CUL2: variants seen among roughly 807,000 people sequenced by gnomAD.
CUL2 encodes cullin 2, also known as cullin-2.
A neutral mutation model predicts 110.2 loss-of-function variants in CUL2; 22 were observed. The observed-to-expected ratio is 0.20, with a 90% CI of 0.14 to 0.28. The LOEUF (loss-of-function observed/expected upper bound fraction) is 0.28. Ranked by LOEUF, CUL2 falls within the 10% of genes least tolerant of loss-of-function variation. The probability of loss-of-function intolerance (pLI) is 1.00; values close to 1 mark genes in which losing one functional copy is unlikely to be tolerated. For missense variants in CUL2, 631 were observed against 905.5 expected (o/e 0.70, Z 3.89); for synonymous variants, 279 against 293.2 (o/e 0.95, Z 0.49).
At chr10:35,058,063 A>AC (rs2134899169) in intron 4 of CUL2, among the ~76,000 whole-genome samples, 1 of 152,344 alleles carries the variant, frequency 6.6e-6, no homozygotes, top group East Asian at 1.9e-4. Flanking sequence ...GTGCCACTGC[A>AC]CTCCAGCCGG....
At chr10:35,104,252 G>C (rs1335770941) in intron 1 of CUL2, among the ~76,000 whole-genome samples, 1 of 152,204 alleles carries the variant, frequency 6.6e-6, no homozygotes, top group Non-Finnish European at 1.5e-5. Context: ...TTGGAGACCA[G>C]CCTGGGTGAC....
chr10:35,029,499 A>G lies in CUL2; in HGVS notation c.1528T>C (p.Tyr510His). The change falls in exon 15 of 21, where the codon TAT becomes CAT. Residue 510 changes from tyrosine (Y) to histidine (H), a missense_variant. Tyr to His is a moderately conservative substitution (Grantham distance 83). Transcript: ENST00000374749. ...ACACATATTCATACCTGTAGAACAT[A>G]TATTTGAAAACTAATTCCCAAATCT... ...VIDLGISFQI[Y>H]VLQAGAWPLT... 1 of 1,550,524 alleles carries G rather than the reference A, an allele frequency of 6.4e-7. No individual in the cohort carries two copies. The highest frequency in any genetic ancestry group is 8.7e-7 in the Non-Finnish European group (1 of 1,147,334).
intron 12 of CUL2, 124 bp downstream of exon 12, chr10:35,032,311 T>C (rs2085498981): frequency 3.9e-6 from 3 of 762,716 alleles, no homozygotes; most frequent in Non-Finnish European, 6.5e-6. Context: ...ATATACAATG[T>C]AGATAATTTT....
intron 1 of CUL2, among the ~76,000 whole-genome samples, chr10:35,073,595 T>C (rs2086738704): frequency 6.6e-6 from 1 of 151,546 alleles, no homozygotes. Context: ...CTTTTTTTTT[T>C]TCTTTTTCTT....
chr10:35,050,218 G>A (rs1475800631), intron 5 of CUL2, among the ~76,000 whole-genome samples: 1 of 152,074 alleles, frequency 6.6e-6, no homozygotes, highest in African/African-American at 2.4e-5. Flanking sequence ...CTACTCGGGA[G>A]GCTGAGGCAG....
rs9299718 is a variant in CUL2 at position 35,088,499 on chromosome 10, C to CAAA, written c.-23+1677_-23+1679dup. ...CTGGTGACAGAGCGAGACTCCGCCTCAAAAAAAAAAAAAAAAAAAAAAGAA... is the reference window on the plus strand; with the variant it reads ...CTGGTGACAGAGCGAGACTCCGCCTCAAAAAAAAAAAAAAAAAAAAAAAAAGAA... On this transcript the variant is annotated intron_variant, in intron 1 of 20. Coordinates refer to ENST00000374749, the MANE Select transcript of CUL2 (RefSeq NM_003591.4). 6.1e-3 allele frequency among the ~76,000 whole-genome samples: 536 copies of CAAA among 88,106 alleles called. 16 individuals carry two copies. Among genetic ancestry groups the CAAA allele is most frequent in the South Asian group, 0.01 (26 of 2,580 alleles). 57.8% of individuals were successfully genotyped at this position (88,106 alleles called of 152,430 possible). A position where few individuals can be genotyped will look rare whatever the true frequency, so the allele number is the denominator to read the frequency against.
chr10:35,121,231 T>C (rs540845214), intron 1 of CUL2, among the ~76,000 whole-genome samples: 5 of 152,288 alleles, frequency 3.3e-5, no homozygotes, highest in Admixed American at 6.5e-5. Flanking sequence ...GCTTTATTTA[T>C]TTATTTTTTT....
At chr10:35,068,425 TA>T (rs1012098085) in intron 2 of CUL2, among the ~76,000 whole-genome samples, 4 of 150,112 alleles carry the variant, frequency 2.7e-5, no homozygotes, top group African/African-American at 9.8e-5. Flanking sequence ...CTATGTCTAA[TA>T]AAAAAAAAGA....
At chr10:35,020,176 A>T (rs1016037433) in intron 17 of CUL2, among the ~76,000 whole-genome samples, 1 of 152,218 alleles carries the variant, frequency 6.6e-6, no homozygotes, top group Admixed American at 6.5e-5. Context: ...TAAAAAAAAA[A>T]AAAATAAATC....
intron 1 of CUL2, among the ~76,000 whole-genome samples, chr10:35,123,167 A>ACAAAG (rs1816498568): frequency 6.6e-6 from 1 of 151,348 alleles, no homozygotes; most frequent in Non-Finnish European, 1.5e-5. Context: ...AAAAAACAAA[A>ACAAAG]CAAAACAAAA....
intron 2 of CUL2, among the ~76,000 whole-genome samples, chr10:35,068,373 G>C (rs977238410): frequency 9.2e-5 from 14 of 152,162 alleles, no homozygotes; most frequent in South Asian, 8.3e-4. Flanking sequence ...AATGAGCTGA[G>C]ATCACTGCAC....
At chr10:35,068,676 A>C (rs143019671) in intron 2 of CUL2, among the ~76,000 whole-genome samples, 1 of 152,200 alleles carries the variant, frequency 6.6e-6, no homozygotes, top group Non-Finnish European at 1.5e-5. Context: ...ATGCATGCTA[A>C]AAGTTCAAAT....
intron 1 of CUL2, among the ~76,000 whole-genome samples, chr10:35,078,820 C>T (rs561331651): frequency 2.0e-5 from 3 of 152,200 alleles, no homozygotes; most frequent in Non-Finnish European, 4.4e-5. Context: ...TCCTGAATGA[C>T]GATTTATTTC....
At chr10:35,064,797 C>A (rs545555941) in intron 2 of CUL2, among the ~76,000 whole-genome samples, 2 of 152,236 alleles carry the variant, frequency 1.3e-5, no homozygotes, top group African/African-American at 4.8e-5. Flanking sequence ...TCTGCCTCGG[C>A]CTCCCAAAGT....
chr10:35,060,053 A>C (rs2086342238), intron 4 of CUL2, among the ~76,000 whole-genome samples: 1 of 152,184 alleles, frequency 6.6e-6, no homozygotes, highest in Non-Finnish European at 1.5e-5. Flanking sequence ...TAAGCTCAGG[A>C]GTTCAAGACC....
rs1244844990 is a variant in CUL2, at chr10:35,035,187, G to A, written c.987C>T (p.Asn329=). The A allele has an allele frequency of 6.2e-7, 1 of 1,614,156 alleles. No homozygotes were observed. The change falls in exon 10 of 21, where the codon AAC becomes AAT. Residue 329 remains asparagine (N), a synonymous_variant. Coordinates refer to ENST00000374749, the MANE Select transcript of CUL2 (RefSeq NM_003591.4). ...CACAACTCACGTTTTCCTGAGTAAG[G>A]TTGCTGGTTGCTCGAAGGCCCTCAT... The part of the protein sequence containing the change: ...IHDEGLRATS[N]LTQENMPTLF...
At chr10:35,067,344 T>C (rs2086558831) in intron 2 of CUL2, among the ~76,000 whole-genome samples, 1 of 152,150 alleles carries the variant, frequency 6.6e-6, no homozygotes, top group Admixed American at 6.6e-5. Context: ...TGCTGGAGTC[T>C]GGAATGGAAA....
rs185493672 is a variant in CUL2 at position 35,074,445 on chromosome 10, G to A, written c.-22-3106C>T. On this transcript the variant is annotated intron_variant, in intron 1 of 20. Coordinates refer to ENST00000374749, the MANE Select transcript of CUL2 (RefSeq NM_003591.4). ...ACCTAAAGTGCTTATCTTTTCCTTA[G>A]CTGCCCCCTCCACCCATTCCACCTA... is the stretch of plus-strand genomic sequence containing the variant. 1.7e-3 allele frequency: 972 copies of A among 579,722 alleles called. 3 individuals carry two copies. Among genetic ancestry groups the A allele is most frequent in the Admixed American group, 3.0e-3 (99 of 33,542 alleles). The allele number at this position is 579,722 out of a possible 1,614,324, so 35.9% of individuals were successfully genotyped here. A position where few individuals can be genotyped will look rare whatever the true frequency, so the allele number is the denominator to read the frequency against.
intron 4 of CUL2, 64 bp downstream of exon 4, chr10:35,060,810 T>C (rs2086362588): frequency 3.1e-6 from 4 of 1,282,838 alleles, no homozygotes; most frequent in East Asian, 2.3e-5. Flanking sequence ...AAAAAAATTA[T>C]CCTGTCAACT....
Sources: allele counts gnomAD v4.1 joint callset (sites outside exome capture counted in the v4.1 genomes callset), GRCh38; gene constraint gnomAD v4.1.1; transcripts MANE v1.5; gene names NCBI Gene and HGNC (gene_info 2026-07-23, HGNC 2026-07-21).